The following PHLDB1 variants were observed in gnomAD, a reference collection of about 807,000 sequenced individuals.
PHLDB1 encodes pleckstrin homology-like domain family B member 1.
In PHLDB1, 65 loss-of-function variants were observed where a neutral mutation model predicts 139.3. The observed-to-expected ratio is 0.47, with a 90% CI of 0.38 to 0.57. The LOEUF is 0.57. Among genes scored for constraint, PHLDB1 ranks in the 20% least tolerant of loss-of-function variants. PHLDB1 has a pLI of 0.00. For synonymous variants in PHLDB1, 679 were observed against 734.5 expected, an observed-to-expected ratio of 0.92 and a Z score of 1.22; for missense variants, 1,624 against 1,839.7, an observed-to-expected ratio of 0.88 and a Z score of 2.14.
At position 118,657,654 on chromosome 11, in the gene PHLDB1, C is replaced by A; in HGVS notation, c.*831C>A. ...GGATGAAGCCGGGGGATCTATGGAA[C>A]AGAGGAGGAGCGATGCAGTTGGGAG... On this transcript the variant is annotated 3_prime_UTR_variant, in exon 23 of 23. Transcript: ENST00000600882. The A allele has an allele frequency of 6.5e-6, 1 of 153,836 alleles. No homozygotes were observed. The highest frequency in any genetic ancestry group is 1.5e-5 in the Non-Finnish European group (1 of 68,886). 9.5% of individuals were successfully genotyped at this position (153,836 alleles called of 1,614,324 possible).
Position 118,632,054 on chromosome 11 carries a change from G to A in PHLDB1, c.2241+1G>A, listed in dbSNP as rs782554741. ...GCAGCTGCAGGAGTCAGCCCGAGAG[G>A]TGAGCCGTGAAGTCCCTAGCTGGAC... On this transcript the variant is annotated splice_donor_variant, in intron 8 of 22. Coordinates refer to ENST00000600882, the MANE Select transcript of PHLDB1 (RefSeq NM_001144758.3). LOFTEE classifies it high-confidence loss of function. This position sits in a 1 kb window ranked among gnomAD's most constrained non-coding sequence, Gnocchi z 5.9. The A allele has an allele frequency of 1.2e-6, 2 of 1,613,814 alleles. No individual in the cohort carries two copies. Among genetic ancestry groups the A allele is most frequent in the Admixed American group, 1.7e-5 (1 of 60,006 alleles).
intron 18 of PHLDB1, among the ~76,000 whole-genome samples, chr11:118,649,281 AG>A (rs1414111486): frequency 4.0e-5 from 6 of 151,712 alleles, no homozygotes; most frequent in Middle Eastern, 3.4e-3. Context: ...ATTCTGTCTC[AG>A]GAAAAAAAAA....
Position 118,642,894 on chromosome 11 carries a change from T to G in PHLDB1, c.2877+500T>G, listed in dbSNP as rs147318152. Reference sequence around the variant, plus strand: ...AGACTCTGAAGTGACAGCCTAAGCCTCCTCAGAGTTGCCATGGAGGGCGTG... The same window carrying G: ...AGACTCTGAAGTGACAGCCTAAGCCGCCTCAGAGTTGCCATGGAGGGCGTG... On this transcript the variant is annotated intron_variant, in intron 13 of 22. Coordinates refer to ENST00000600882, the MANE Select transcript of PHLDB1 (RefSeq NM_001144758.3). Among the ~76,000 whole-genome samples, 20 of 152,318 alleles carry G rather than the reference T, an allele frequency of 1.3e-4. No individual in the cohort carries two copies. The East Asian group carries it at 3.9e-3, about 29-fold the overall frequency.
chr11:118,629,703 A>G (rs567347178), intron 6 of PHLDB1, among the ~76,000 whole-genome samples: 1 of 152,082 alleles, frequency 6.6e-6, no homozygotes, highest in Admixed American at 6.5e-5. Context: ...CCTTTGCTGC[A>G]TCTTCTCTTC....
At chr11:118,607,146 C>T (rs1555079739), upstream of PHLDB1, among the ~76,000 whole-genome samples, 1 of 151,180 alleles carries the variant, frequency 6.6e-6, no homozygotes. Flanking sequence ...GTAGGGGCTT[C>T]GATTTGGGAG....
intron 20 of PHLDB1, chr11:118,652,755 G>A (rs989208568): frequency 7.2e-5 from 11 of 152,866 alleles, no homozygotes; most frequent in African/African-American, 2.6e-4. Flanking sequence ...GAAGGAGAAA[G>A]AGGAGAGACC....
intron 10 of PHLDB1, chr11:118,636,692 G>A (rs1450598618): frequency 6.6e-6 from 1 of 152,208 alleles, no homozygotes; most frequent in Non-Finnish European, 1.5e-5. Context: ...TTCAGAGTCA[G>A]AATTGGAACC....
chr11:118,645,924 C>A lies in PHLDB1; in HGVS notation c.3507+99C>A. 1.2e-6 allele frequency: 1 copy of A among 809,624 alleles called. No individual in the cohort carries two copies. Among genetic ancestry groups the A allele is most frequent in the South Asian group, 1.4e-5 (1 of 73,664 alleles). The allele number at this position is 809,624 out of a possible 1,614,324, so 50.2% of individuals were successfully genotyped here. A position where few individuals can be genotyped will look rare whatever the true frequency, so the allele number is the denominator to read the frequency against. On this transcript the variant is annotated intron_variant, in intron 17 of 22. Coordinates refer to ENST00000600882, the MANE Select transcript of PHLDB1 (RefSeq NM_001144758.3). This position sits in a 1 kb window ranked among gnomAD's most constrained non-coding sequence, Gnocchi z 5.1. Reference sequence around the variant, plus strand: ...GCTCCACCCCAAGCCCTTCCACCCACATTAGCCTTGCCACATTCCCTTGGG... The same window carrying A: ...GCTCCACCCCAAGCCCTTCCACCCAAATTAGCCTTGCCACATTCCCTTGGG...
Position 118,611,446 on chromosome 11 carries a change from A to C in PHLDB1, c.-21-2370A>C, listed in dbSNP as rs1288138244. On this transcript the variant is annotated intron_variant, in intron 1 of 22. Transcript: ENST00000600882. The surrounding 1 kb of genome is among the most constrained non-coding windows in gnomAD (Gnocchi z 4.7). ...CCACTTGAAGTTCTTGGGTGTAAAT[A>C]AATGAGCACACCACAGCTGCCCCAC... Among the ~76,000 whole-genome samples the C allele has an allele frequency of 1.3e-5, 2 of 152,318 alleles. No individual in the cohort carries two copies. The highest frequency in any genetic ancestry group is 3.9e-4 in the East Asian group (2 of 5,182).
rs1210871271 is a variant in PHLDB1, at chr11:118,628,466, C to T, written c.1643C>T (p.Thr548Ile). 1.9e-6 allele frequency: 3 copies of T among 1,612,752 alleles called. No individual in the cohort carries two copies. Among genetic ancestry groups the T allele is most frequent in the Non-Finnish European group, 2.5e-6 (3 of 1,179,820 alleles). The change falls in exon 6 of 23, where the codon ACT (threonine) becomes ATT (isoleucine). Residue 548 changes from threonine (T) to isoleucine (I), a missense_variant. Transcript: ENST00000600882. ...LSPAYSLGSLTGASPCQSPCV... is the reference protein window; with the variant it reads ...LSPAYSLGSLIGASPCQSPCV... ...CCAGCCTACAGTCTGGGCTCTCTTA[C>T]TGGGGCTTCACCCTGCCAGAGTCCC...
chr11:118,625,050 C>A lies in PHLDB1; in HGVS notation c.472C>A (p.Pro158Thr). ...GGRAPGPPYS[P>T]VPAESESLVN... ...CCGAGCCCCTGGGCCCCCCTACAGC[C>A]CTGTTCCTGGTAGGTACCGACGGGG... Residue 158 changes from proline to threonine, a missense_variant, in exon 5 of 23, where the codon CCT becomes ACT. Transcript: ENST00000600882. 6.2e-7 allele frequency: 1 copy of A among 1,608,336 alleles called. No homozygotes were observed. Among genetic ancestry groups the A allele is most frequent in the Non-Finnish European group, 8.5e-7 (1 of 1,177,274 alleles).
rs1269073494 is a variant in PHLDB1 at position 118,620,290 on chromosome 11, C to T, written c.355+4079C>T. ...GGCAGATCACCTGAGGTCGGGAGTT[C>T]GAGACCAGCCTGACCAACATGGAGA... On this transcript the variant is annotated intron_variant, in intron 4 of 22. Transcript: ENST00000600882. This position sits in a 1 kb window ranked among gnomAD's most constrained non-coding sequence, Gnocchi z 4.1. Among the ~76,000 whole-genome samples the T allele has an allele frequency of 6.6e-6, 1 of 152,156 alleles. No individual in the cohort carries two copies. The highest frequency in any genetic ancestry group is 1.5e-5 in the Non-Finnish European group (1 of 68,010).
At chr11:118,624,727 G>C in intron 4 of PHLDB1, 1 of 494,780 alleles carries the variant, frequency 2.0e-6, no homozygotes, top group Non-Finnish European at 3.7e-6. Flanking sequence ...TCAGTCTCCT[G>C]AGTAGCTGGG....
At position 118,616,182 on chromosome 11, in the gene PHLDB1, C is replaced by G. The variant is rs1941597012; in HGVS notation, c.326C>G (p.Pro109Arg). 1 of 1,614,120 alleles carries G rather than the reference C, an allele frequency of 6.2e-7. No homozygotes were observed. The highest frequency in any genetic ancestry group is 2.2e-5 in the East Asian group (1 of 44,890). The change falls in exon 4 of 23, where the codon CCT becomes CGT. Residue 109 changes from proline (P) to arginine (R), a missense_variant. Physicochemically the swap from Pro to Arg is moderately radical, Grantham distance 103. Coordinates refer to ENST00000600882, the MANE Select transcript of PHLDB1 (RefSeq NM_001144758.3). ...AATGCCTGCACTATTGATGGGCTCC[C>G]TGTCCGGCAGCCTACCCGGCTCACT... ...CGNACTIDGL[P>R]VRQPTRLTQG...
intron 15 of PHLDB1, chr11:118,644,620 C>A: frequency 7.8e-7 from 1 of 1,281,164 alleles, no homozygotes; most frequent in Non-Finnish European, 1.0e-6. Flanking sequence ...CTCTACCGTA[C>A]CCTCTGCCTG....
At position 118,610,563 on chromosome 11, in the gene PHLDB1, C is replaced by G; in HGVS notation, c.-22+2864C>G. 2.5e-6 allele frequency: 2 copies of G among 805,648 alleles called. No homozygotes were observed. Among genetic ancestry groups the G allele is most frequent in the Non-Finnish European group, 3.0e-6 (2 of 665,238 alleles). 49.9% of individuals were successfully genotyped at this position (805,648 alleles called of 1,614,324 possible). ...CGACCCGCGGGGCTCCGGGGAGCGC[C>G]CGAGCAGTGGCCCCGCGAAGGGCCG... is the stretch of plus-strand genomic sequence containing the variant. On this transcript the variant is annotated intron_variant, in intron 1 of 22. Coordinates refer to ENST00000600882, the MANE Select transcript of PHLDB1 (RefSeq NM_001144758.3). This position sits in a 1 kb window ranked among gnomAD's most constrained non-coding sequence, Gnocchi z 8.7.
intron 18 of PHLDB1, among the ~76,000 whole-genome samples, chr11:118,648,778 G>T (rs956895339): frequency 6.6e-6 from 1 of 152,158 alleles, no homozygotes; most frequent in Non-Finnish European, 1.5e-5. Context: ...TGGGAAATCT[G>T]CCCATGTCTC....
At chr11:118,607,261 T>C (rs1939346275), upstream of PHLDB1, among the ~76,000 whole-genome samples, 1 of 138,388 alleles carries the variant, frequency 7.2e-6, no homozygotes, top group African/African-American at 2.7e-5. Flanking sequence ...CTCAAAAGCG[T>C]GTTAAAGCCT....
At chr11:118,643,489 C>T (rs1489163598) in intron 13 of PHLDB1, 1 of 984,720 alleles carries the variant, frequency 1.0e-6, no homozygotes, top group Non-Finnish European at 1.2e-6. Flanking sequence ...AGAGGGAACC[C>T]AGCTTCTAGT....
Sources: gnomAD v4.1 joint callset for allele counts (sites outside exome capture counted in the v4.1 genomes callset) on GRCh38, gnomAD v4.1.1 for gene constraint, Gnocchi (gnomAD v3.1) non-coding constraint, MANE v1.5 for transcripts, NCBI Gene and HGNC (gene_info 2026-07-23, HGNC 2026-07-21) for gene names.